The following CCDC88A variants were observed in gnomAD, a reference collection of about 807,000 sequenced individuals.
The protein encoded by CCDC88A is coiled-coil and HOOK domain protein 88A, also known as girdin.
Under a neutral mutation model 234.3 loss-of-function variants are expected in CCDC88A, and 54 were observed. That is an observed-to-expected ratio of 0.23 (90% confidence interval 0.19 to 0.29). The LOEUF is 0.29. Ranked by LOEUF, CCDC88A falls within the 10% of genes least tolerant of loss-of-function variation. The probability of loss-of-function intolerance (pLI) is 1.00; values close to 1 mark genes in which losing one functional copy is unlikely to be tolerated. For synonymous variants in CCDC88A, 753 were observed against 737.8 expected (o/e 1.02, Z -0.33); for missense variants, 1,832 against 2,123.4 (o/e 0.86, Z 2.70).
chr2:55,417,345 CA>C (rs1377840701), intron 2 of CCDC88A: 1 of 151,964 alleles, frequency 6.6e-6, no homozygotes, highest in African/African-American at 2.4e-5. Context: ...TAAAGAGACA[CA>C]GGGGAACAAA....
At chr2:55,368,508 T>C (rs1672344808) in intron 5 of CCDC88A, among the ~76,000 whole-genome samples, 1 of 151,868 alleles carries the variant, frequency 6.6e-6, no homozygotes, top group African/African-American at 2.4e-5. Flanking sequence ...TTTTTTTGTA[T>C]AAATAGAGTT....
chr2:55,410,291 G>A (rs1680263625), intron 2 of CCDC88A, among the ~76,000 whole-genome samples: 1 of 152,202 alleles, frequency 6.6e-6, no homozygotes, highest in Admixed American at 6.5e-5. Flanking sequence ...TGTGGTGCTA[G>A]AAAGAGCCAG....
intron 28 of CCDC88A, 70 bp downstream of exon 28, chr2:55,301,136 A>T: frequency 1.1e-6 from 1 of 893,450 alleles, no homozygotes; most frequent in African/African-American, 1.7e-5. Context: ...TTCACCTATT[A>T]AAGGCAAGAG....
Position 55,291,725 on chromosome 2 carries a change from G to T in CCDC88A, c.5602C>A (p.Gln1868Lys), listed in dbSNP as rs770138576. Residue 1868 changes from glutamine to lysine, a missense_variant, in exon 32 of 33, where the codon CAA (glutamine) becomes AAA (lysine). By Grantham distance (53) the Gln-to-Lys change is moderately conservative (BLOSUM62 1). Coordinates refer to ENST00000436346, the MANE Select transcript of CCDC88A (RefSeq NM_001365480.1). ...GGGTAATAGAATTAGGAGCTTTGTT[G>T]CTCCCTAGACCTGCTTTTTGAATTT... is the stretch of plus-strand genomic sequence containing the variant. ...SRNSKSRSRE[Q>K]QSS 3 of 1,609,470 alleles carry T rather than the reference G, an allele frequency of 1.9e-6. No homozygotes were observed. Among genetic ancestry groups the T allele is most frequent in the Non-Finnish European group, 2.5e-6 (3 of 1,176,824 alleles).
chr2:55,376,060 C>A (rs56214821), intron 3 of CCDC88A, among the ~76,000 whole-genome samples: 7,384 of 152,040 alleles, frequency 0.049, 311 homozygotes, highest in African/African-American at 0.12. Context: ...TCAGAAAGAA[C>A]TGAATTCTTT....
At position 55,355,679 on chromosome 2, in the gene CCDC88A, G is replaced by A. The variant is rs778656661; in HGVS notation, c.700C>T (p.Pro234Ser). 6 of 1,613,970 alleles carry A rather than the reference G, an allele frequency of 3.7e-6. No individual in the cohort carries two copies. In the East Asian group the frequency reaches 6.7e-5, roughly 18 times the overall value. Residue 234 changes from proline (P) to serine (S), a missense_variant, in exon 8 of 33, where the codon CCC becomes TCC. This residue lies in a region of CCDC88A where 1,282 missense variants were observed against 1,543.6 expected (regional missense o/e 0.83). Coordinates refer to ENST00000436346, the MANE Select transcript of CCDC88A (RefSeq NM_001365480.1). ...CGCTTCATGCCTGGAGAACCACAGG[G>A]TGACTGTGCAGATGAAGAGGCATGG... ...LPHASSSAQS[P>S]CGSPGMKRTE...
At position 55,332,653 on chromosome 2, in the gene CCDC88A, T is replaced by C. The variant is rs747280965; in HGVS notation, c.2768A>G (p.Asn923Ser). ...CTCATGAGTTAATTTTTCGAGATCA[T>C]TGTTCATCTGTTGGGTCTTCAACTT... Reference protein sequence around the residue: ...SEKLKTQQMNNDLEKLTHELE... With the variant: ...SEKLKTQQMNSDLEKLTHELE... Residue 923 changes from asparagine to serine, a missense_variant, in exon 16 of 33, where the codon AAT becomes AGT. Asn to Ser is a conservative substitution (Grantham distance 46). Transcript: ENST00000436346. The surrounding 1 kb of genome is among the most constrained non-coding windows in gnomAD (Gnocchi z 4.5). 33 of 1,612,788 alleles carry C rather than the reference T, an allele frequency of 2.0e-5. No homozygotes were observed. The highest frequency in any genetic ancestry group is 6.6e-5 in the South Asian group (6 of 91,064).
At position 55,309,117 on chromosome 2, in the gene CCDC88A, TG is replaced by T. The variant is rs752418660; in HGVS notation, c.4172+44del. 40 of 1,422,866 alleles carry T rather than the reference TG, an allele frequency of 2.8e-5. No individual in the cohort carries two copies. Among genetic ancestry groups the T allele is most frequent in the Admixed American group, 5.4e-5 (3 of 55,090 alleles). 88.1% of individuals were successfully genotyped at this position (1,422,866 alleles called of 1,614,324 possible). A position where few individuals can be genotyped will look rare whatever the true frequency, so the allele number is the denominator to read the frequency against. On this transcript the variant is annotated intron_variant, in intron 24 of 32. Transcript: ENST00000436346. The surrounding 1 kb of genome is among the most constrained non-coding windows in gnomAD (Gnocchi z 5.1). ...CATCACAATATTAGAAATAACCTAG[TG>T]TTTTTTTTCAGAATAAGAATTCATA... is the stretch of plus-strand genomic sequence containing the variant.
chr2:55,339,238 C>T (rs1424246585), intron 13 of CCDC88A: 6 of 421,062 alleles, frequency 1.4e-5, no homozygotes, highest in Non-Finnish European at 2.0e-5. Flanking sequence ...GGATTACAGG[C>T]GTGAGCCCCC....
intron 4 of CCDC88A, 29 bp from the exon 5 acceptor site, chr2:55,372,539 C>T (rs1039426346): frequency 1.9e-6 from 2 of 1,050,426 alleles, no homozygotes; most frequent in Non-Finnish European, 2.9e-6. Flanking sequence ...TTAAGGACAA[C>T]ATTCTGCTAT....
intron 2 of CCDC88A, among the ~76,000 whole-genome samples, chr2:55,397,566 TG>T (rs1391706845): frequency 6.6e-6 from 1 of 152,202 alleles, no homozygotes; most frequent in African/African-American, 2.4e-5. Context: ...TATTATACTT[TG>T]GATGCATAAT....
chr2:55,292,728 G>C (rs972581790), intron 31 of CCDC88A: 7 of 152,262 alleles, frequency 4.6e-5, no homozygotes, highest in African/African-American at 1.7e-4. Context: ...GGGCGTGGTG[G>C]CATGCTCCTG....
chr2:55,333,521 T>C (rs1298215629), intron 15 of CCDC88A, among the ~76,000 whole-genome samples: 1 of 152,164 alleles, frequency 6.6e-6, no homozygotes, highest in Non-Finnish European at 1.5e-5. Flanking sequence ...AAATCTGGAT[T>C]TGAATCCAGT....
rs1442454569 is a variant in CCDC88A at position 55,296,070 on chromosome 2, A to T, written c.5092-14T>A. 1.3e-6 allele frequency: 2 copies of T among 1,555,546 alleles called. No homozygotes were observed. Among genetic ancestry groups the T allele is most frequent in the African/African-American group, 2.8e-5 (2 of 72,204 alleles). On this transcript the variant is annotated splice_polypyrimidine_tract_variant and intron_variant, in intron 30 of 32. Coordinates refer to ENST00000436346, the MANE Select transcript of CCDC88A (RefSeq NM_001365480.1). ...TGAGGACTTTATCTGTTTAAAAAAA[A>T]ATTCAAAGCAGATTAGTGAATATAG...
In CCDC88A at chr2:55,384,726, C is replaced by T. The variant is rs550958193; in HGVS notation, c.273+4052G>A. Among the ~76,000 whole-genome samples the T allele has an allele frequency of 1.1e-4, 16 of 150,218 alleles. No homozygotes were observed. In the East Asian group the frequency reaches 1.2e-3, roughly 11 times the overall value. On this transcript the variant is annotated intron_variant, in intron 3 of 32. Transcript: ENST00000436346. ...GGCTGGAGTGTAGTGGTGTGATCTCCGCTTACTGTAACTTCTACCTCTCTG... is the reference window on the plus strand; with the variant it reads ...GGCTGGAGTGTAGTGGTGTGATCTCTGCTTACTGTAACTTCTACCTCTCTG...
intron 23 of CCDC88A, among the ~76,000 whole-genome samples, chr2:55,311,405 G>A (rs1682335242): frequency 6.6e-6 from 1 of 152,198 alleles, no homozygotes; most frequent in South Asian, 2.1e-4. Context: ...TAAGACTGGT[G>A]CTTCAGAAAA....
At chr2:55,415,815 C>T (rs147176859) in intron 2 of CCDC88A, among the ~76,000 whole-genome samples, 22 of 152,236 alleles carry the variant, frequency 1.4e-4, no homozygotes, top group Admixed American at 1.0e-3. Flanking sequence ...GGGGTTTTGC[C>T]TCAACAGTGT....
At chr2:55,391,656 G>T (rs900511506) in intron 2 of CCDC88A, among the ~76,000 whole-genome samples, 1 of 152,132 alleles carries the variant, frequency 6.6e-6, no homozygotes, top group Non-Finnish European at 1.5e-5. Context: ...CTTAACAATG[G>T]ATTAGAAACT....
Position 55,328,266 on chromosome 2 carries a change from T to C in CCDC88A, c.2997+28A>G. ...AAATATTTATATAATAAATGATCCT[T>C]AAAATTCTTTCCAAGAAAATCACTT... On this transcript the variant is annotated intron_variant, in intron 17 of 32. Coordinates refer to ENST00000436346, the MANE Select transcript of CCDC88A (RefSeq NM_001365480.1). This position sits in a 1 kb window ranked among gnomAD's most constrained non-coding sequence, Gnocchi z 4.3. 2 of 1,507,788 alleles carry C rather than the reference T, an allele frequency of 1.3e-6. No homozygotes were observed. Among genetic ancestry groups the C allele is most frequent in the Non-Finnish European group, 8.9e-7 (1 of 1,117,456 alleles). 93.4% of individuals were successfully genotyped at this position (1,507,788 alleles called of 1,614,324 possible). A position where few individuals can be genotyped will look rare whatever the true frequency, so the allele number is the denominator to read the frequency against.
Sources: gnomAD v4.1 joint callset for allele counts (sites outside exome capture counted in the v4.1 genomes callset) on GRCh38, gnomAD v4.1.1 for gene constraint, gnomAD v4.1.1 regional missense constraint, Gnocchi (gnomAD v3.1) non-coding constraint, MANE v1.5 for transcripts, NCBI Gene and HGNC (gene_info 2026-07-23, HGNC 2026-07-21) for gene names.